The following GNA14 variants were observed in gnomAD, a reference collection of about 807,000 sequenced individuals.
The protein encoded by GNA14 is guanine nucleotide-binding protein subunit alpha-14.
A neutral mutation model predicts 42.0 loss-of-function variants in GNA14; 50 were observed. That is an observed-to-expected ratio of 1.19 (90% CI 0.95 to 1.51). The LOEUF is 1.51. GNA14 is among the 40% of genes most tolerant of loss of function. The pLI, the probability that GNA14 is intolerant of heterozygous loss-of-function variation, is 0.00. For missense variants in GNA14, 473 were observed against 446.2 expected, an observed-to-expected ratio of 1.06 and a Z score of -0.54; for synonymous variants, 173 against 163.1, an observed-to-expected ratio of 1.06 and a Z score of -0.46.
At chr9:77,509,920 C>T (rs978276549) in intron 2 of GNA14, among the ~76,000 whole-genome samples, 16 of 152,154 alleles carry the variant, frequency 1.1e-4, no homozygotes, top group East Asian at 3.9e-4. Context: ...CTAGTGGGAA[C>T]GACACATCAC....
intron 1 of GNA14, among the ~76,000 whole-genome samples, chr9:77,542,878 G>A (rs374672177): frequency 6.6e-6 from 1 of 152,230 alleles, no homozygotes; most frequent in South Asian, 2.1e-4. Context: ...GTTGGTGGAC[G>A]TGTCCTCAGG....
At chr9:77,552,927 A>G (rs532972757) in intron 1 of GNA14, among the ~76,000 whole-genome samples, 1 of 152,324 alleles carries the variant, frequency 6.6e-6, no homozygotes, top group Non-Finnish European at 1.5e-5. Context: ...GGCTGCCAGG[A>G]GAAAAGTGAA....
chr9:77,599,826 G>A (rs573984326), intron 1 of GNA14, among the ~76,000 whole-genome samples: 10 of 152,272 alleles, frequency 6.6e-5, no homozygotes, highest in Middle Eastern at 3.4e-3. Flanking sequence ...ATAGGTGTCC[G>A]TCTCCCAGGA....
chr9:77,589,727 A>G (rs1823360892), intron 1 of GNA14, among the ~76,000 whole-genome samples: 2 of 152,198 alleles, frequency 1.3e-5, no homozygotes, highest in Non-Finnish European at 2.9e-5. Context: ...CTGCAAAAGC[A>G]CATTGTCATT....
intron 1 of GNA14, among the ~76,000 whole-genome samples, chr9:77,636,532 A>C (rs930636459): frequency 6.6e-6 from 1 of 152,196 alleles, no homozygotes; most frequent in Non-Finnish European, 1.5e-5. Context: ...CATGAATCTC[A>C]TGGCTAGAAA....
At chr9:77,575,141 G>T (rs147433634) in intron 1 of GNA14, among the ~76,000 whole-genome samples, 3 of 152,306 alleles carry the variant, frequency 2.0e-5, no homozygotes, top group East Asian at 3.9e-4. Context: ...GACAAGGAGC[G>T]GAAGGTAGCT....
At chr9:77,452,571 T>C (rs1308024133) in intron 2 of GNA14, among the ~76,000 whole-genome samples, 2 of 95,002 alleles carry the variant, frequency 2.1e-5, no homozygotes, top group African/African-American at 9.3e-5. Flanking sequence ...TGTGTGTGTG[T>C]ATGTGCATGT....
chr9:77,440,518 A>C (rs1392120239), intron 2 of GNA14, among the ~76,000 whole-genome samples: 1 of 152,194 alleles, frequency 6.6e-6, no homozygotes, highest in Non-Finnish European at 1.5e-5. Flanking sequence ...ATTTTGGTTA[A>C]ATTTTATATT....
chr9:77,608,791 A>T (rs1253494827), intron 1 of GNA14, among the ~76,000 whole-genome samples: 5 of 110,114 alleles, frequency 4.5e-5, no homozygotes, highest in African/African-American at 1.6e-4. Context: ...TAATTTCCCC[A>T]TAGCACCTTG....
At chr9:77,607,382 C>A (rs1408765320) in intron 1 of GNA14, among the ~76,000 whole-genome samples, 2 of 152,128 alleles carry the variant, frequency 1.3e-5, no homozygotes, top group Non-Finnish European at 2.9e-5. Flanking sequence ...GGAAGAGAGG[C>A]TTGATGGAAC....
chr9:77,460,469 G>C (rs902986499), intron 2 of GNA14, among the ~76,000 whole-genome samples: 1 of 152,208 alleles, frequency 6.6e-6, no homozygotes, highest in African/African-American at 2.4e-5. Context: ...AGAGAATAAA[G>C]TTCTGTTGTT....
In GNA14 at chr9:77,581,588, A is replaced by T. The variant is rs185579649; in HGVS notation, c.125-52335T>A. Among the ~76,000 whole-genome samples the T allele has an allele frequency of 3.2e-3, 486 of 152,332 alleles. 3 individuals are homozygous for T. The highest frequency in any genetic ancestry group is 0.01 in the Middle Eastern group (3 of 294). On this transcript the variant is annotated intron_variant, in intron 1 of 6. Coordinates refer to ENST00000341700, the MANE Select transcript of GNA14 (RefSeq NM_004297.4). ...CCGGACATAAGGGAGGTCAACTTTC[A>T]AGGGAATTTTGGTGCAAAAGACTCT...
intron 1 of GNA14, among the ~76,000 whole-genome samples, chr9:77,636,775 C>A (rs957206404): frequency 3.9e-5 from 6 of 152,194 alleles, no homozygotes; most frequent in African/African-American, 7.2e-5. Flanking sequence ...GACCTAAACA[C>A]CTCGCAGCAG....
chr9:77,492,132 C>T (rs569329110), intron 2 of GNA14, among the ~76,000 whole-genome samples: 1 of 151,892 alleles, frequency 6.6e-6, no homozygotes, highest in Non-Finnish European at 1.5e-5. Context: ...ATACAACATA[C>T]CAAAATCTAT....
intron 2 of GNA14, among the ~76,000 whole-genome samples, chr9:77,454,941 T>C (rs1835974219): frequency 6.6e-6 from 1 of 152,278 alleles, no homozygotes; most frequent in South Asian, 2.1e-4. Flanking sequence ...TCCAGCCATA[T>C]GGTTTGCATT....
intron 2 of GNA14, among the ~76,000 whole-genome samples, chr9:77,525,168 A>G (rs1032789272): frequency 1.3e-5 from 2 of 152,192 alleles, no homozygotes; most frequent in Non-Finnish European, 2.9e-5. Context: ...GATATTGCCT[A>G]TGTCTGCTTT....
chr9:77,641,577 A>C (rs1240214707), intron 1 of GNA14, among the ~76,000 whole-genome samples: 1 of 151,990 alleles, frequency 6.6e-6, no homozygotes, highest in Non-Finnish European at 1.5e-5. Context: ...CGTCTGTTAA[A>C]AAAAAAGGGA....
intron 1 of GNA14, among the ~76,000 whole-genome samples, chr9:77,550,438 G>C (rs1211361179): frequency 6.6e-6 from 1 of 152,120 alleles, no homozygotes; most frequent in Admixed American, 6.5e-5. Context: ...TTAGCTAAAG[G>C]TGCTAAGATT....
chr9:77,563,013 T>C (rs1822907896), intron 1 of GNA14, among the ~76,000 whole-genome samples: 1 of 152,158 alleles, frequency 6.6e-6, no homozygotes, highest in African/African-American at 2.4e-5. Flanking sequence ...TAGGTACCCG[T>C]TATTAAATTT....
Sources: gnomAD v4.1 joint callset for allele counts (sites outside exome capture counted in the v4.1 genomes callset) on GRCh38, gnomAD v4.1.1 for gene constraint, MANE v1.5 for transcripts, NCBI Gene and HGNC (gene_info 2026-07-23, HGNC 2026-07-21) for gene names.